The following BBS9 variants were observed in gnomAD, a reference collection of about 807,000 sequenced individuals.
The protein encoded by BBS9 is Bardet-Biedl syndrome 9.
A neutral mutation model predicts 117.7 loss-of-function variants in BBS9; 89 were observed. That is an observed-to-expected ratio of 0.76 (90% confidence interval 0.64 to 0.90). The LOEUF is 0.90. Ranked by LOEUF, BBS9 falls within the 40% of genes least tolerant of loss-of-function variation. The probability of loss-of-function intolerance (pLI) is 0.00; values close to 1 mark genes in which losing one functional copy is unlikely to be tolerated. For synonymous variants in BBS9, 379 were observed against 370.9 expected (o/e 1.02, Z -0.25); for missense variants, 982 against 1,042.2 (o/e 0.94, Z 0.80).
chr7:33,598,897 CT>C (rs1340746338), intron 21 of BBS9, among the ~76,000 whole-genome samples: 1 of 152,176 alleles, frequency 6.6e-6, no homozygotes, highest in Non-Finnish European at 1.5e-5. Context: ...TGCCAAACTA[CT>C]TATGGCCCAC....
At chr7:33,390,595 G>A in intron 19 of BBS9, 1 of 972,478 alleles carries the variant, frequency 1.0e-6, no homozygotes, top group Non-Finnish European at 1.2e-6. Context: ...AAATGAGGGT[G>A]AGGTGTTGAT....
intron 21 of BBS9, among the ~76,000 whole-genome samples, chr7:33,619,980 T>C (rs546131883): frequency 6.6e-6 from 1 of 151,892 alleles, no homozygotes; most frequent in Non-Finnish European, 1.5e-5. Flanking sequence ...AAAGTCAGCA[T>C]AGGAATGAAA....
At position 33,490,004 on chromosome 7, in the gene BBS9, G is replaced by A. The variant is rs1245042110; in HGVS notation, c.2116-15459G>A. 3.9e-5 allele frequency among the ~76,000 whole-genome samples: 6 copies of A among 152,156 alleles called. No homozygotes were observed. In the East Asian group the frequency reaches 1.2e-3, roughly 29 times the overall value. ...ATCTTGTTCTTATTCTCTGAAAATG[G>A]ATTCAGATTTCTAGTAAATGGATTC... On this transcript the variant is annotated intron_variant, in intron 19 of 22. Transcript: ENST00000242067.
At chr7:33,216,850 CT>C (rs1789162146) in intron 5 of BBS9, among the ~76,000 whole-genome samples, 1 of 152,144 alleles carries the variant, frequency 6.6e-6, no homozygotes, top group Non-Finnish European at 1.5e-5. Flanking sequence ...AATCCCAATA[CT>C]TTGGGAGGCC....
At chr7:33,286,252 C>G (rs764042) in intron 9 of BBS9, among the ~76,000 whole-genome samples, 2 of 151,946 alleles carry the variant, frequency 1.3e-5, no homozygotes, top group Admixed American at 1.3e-4. Flanking sequence ...TAATTTATAC[C>G]GGTAGGAAAA....
Position 33,598,206 on chromosome 7 carries a change from TA to T in BBS9, c.2522-6658del, listed in dbSNP as rs1863190301. Among the ~76,000 whole-genome samples the T allele has an allele frequency of 1.4e-4, 21 of 148,854 alleles. No individual in the cohort carries two copies. The South Asian group carries it at 4.5e-3, about 32-fold the overall frequency. ...GAAACTCCTGGAAACAATTGTAAAA[TA>T]TTGGAAAATCTAAGAGTTTATGGGA... On this transcript the variant is annotated intron_variant, in intron 21 of 22. Coordinates refer to ENST00000242067, the MANE Select transcript of BBS9 (RefSeq NM_198428.3).
intron 19 of BBS9, among the ~76,000 whole-genome samples, chr7:33,431,114 G>C (rs965706024): frequency 5.9e-5 from 9 of 151,550 alleles, no homozygotes; most frequent in Non-Finnish European, 1.2e-4. Context: ...AGGATAACTT[G>C]AGCCTGGGAG....
chr7:33,393,379 C>T (rs1437255003), intron 19 of BBS9, among the ~76,000 whole-genome samples: 1 of 152,160 alleles, frequency 6.6e-6, no homozygotes, highest in African/African-American at 2.4e-5. Flanking sequence ...GGCATGTCAC[C>T]TGCACAGTCA....
intron 21 of BBS9, among the ~76,000 whole-genome samples, chr7:33,630,499 C>G (rs1346027961): frequency 6.6e-6 from 1 of 152,122 alleles, no homozygotes; most frequent in African/African-American, 2.4e-5. Flanking sequence ...ATGCCCCTAC[C>G]CCTGCGTCCG....
chr7:33,146,810 T>A (rs17394546), intron 2 of BBS9, among the ~76,000 whole-genome samples: 30,079 of 152,054 alleles, frequency 0.2, 3,153 homozygotes, highest in Non-Finnish European at 0.23. Context: ...TAGTTTTTTT[T>A]AATAATATTT....
intron 19 of BBS9, among the ~76,000 whole-genome samples, chr7:33,488,512 T>G (rs977281302): frequency 5.3e-5 from 8 of 152,180 alleles, no homozygotes; most frequent in African/African-American, 1.9e-4. Flanking sequence ...CCTGTGTGAT[T>G]TAAGGCAAGT....
intron 9 of BBS9, among the ~76,000 whole-genome samples, chr7:33,316,770 C>T (rs554768972): frequency 4.7e-4 from 72 of 152,172 alleles, no homozygotes; most frequent in African/African-American, 1.5e-3. Flanking sequence ...TATAGAAGGA[C>T]GCAAGTCCTT....
At chr7:33,337,323 A>G (rs1815587766) in intron 10 of BBS9, among the ~76,000 whole-genome samples, 1 of 152,134 alleles carries the variant, frequency 6.6e-6, no homozygotes, top group Admixed American at 6.5e-5. Context: ...AGGGTCAGGT[A>G]AAAGTATTTT....
At chr7:33,144,902 A>G (rs1792091098) in intron 1 of BBS9, among the ~76,000 whole-genome samples, 1 of 152,198 alleles carries the variant, frequency 6.6e-6, no homozygotes, top group African/African-American at 2.4e-5. Flanking sequence ...ATCTATTGAG[A>G]TGTAATCCCA....
At chr7:33,570,783 G>A (rs1857648808) in intron 21 of BBS9, among the ~76,000 whole-genome samples, 1 of 152,156 alleles carries the variant, frequency 6.6e-6, no homozygotes, top group South Asian at 2.1e-4. Context: ...TGGTATTAGT[G>A]ACAAAGGCAC....
chr7:33,476,204 A>G (rs1364885060), intron 19 of BBS9, among the ~76,000 whole-genome samples: 4 of 152,216 alleles, frequency 2.6e-5, no homozygotes, highest in Non-Finnish European at 5.9e-5. Flanking sequence ...AAATATGACA[A>G]ATCTGGTGAA....
At chr7:33,240,124 A>G (rs1360623035) in intron 5 of BBS9, among the ~76,000 whole-genome samples, 1 of 152,092 alleles carries the variant, frequency 6.6e-6, no homozygotes, top group Non-Finnish European at 1.5e-5. Flanking sequence ...TCCCATAGTC[A>G]TTAATTTGTT....
At chr7:33,352,001 A>C (rs925743038) in intron 14 of BBS9, 2 of 153,998 alleles carry the variant, frequency 1.3e-5, no homozygotes, top group Non-Finnish European at 2.9e-5. Flanking sequence ...GGTTTCATCC[A>C]GGACCAGCAG....
intron 19 of BBS9, among the ~76,000 whole-genome samples, chr7:33,487,891 A>G (rs1478039254): frequency 6.6e-6 from 1 of 152,214 alleles, no homozygotes; most frequent in African/African-American, 2.4e-5. Context: ...TCTCAACTTG[A>G]TAGCCCACTA....
Sources: allele counts gnomAD v4.1 joint callset (sites outside exome capture counted in the v4.1 genomes callset), GRCh38; gene constraint gnomAD v4.1.1; transcripts MANE v1.5; gene names NCBI Gene and HGNC (gene_info 2026-07-23, HGNC 2026-07-21).